Variants in LOC128125817 observed in about 807,000 individuals in gnomAD.
At chr1:41,612,561 T>C in the LOC128125817 span, among the ~76,000 whole-genome samples, 1 of 152,066 alleles carries the variant, frequency 6.6e-6, no homozygotes, top group South Asian at 2.1e-4. Flanking sequence ...TTCAGAGAGG[T>C]GGAAAGTGGC....
the LOC128125817 span, among the ~76,000 whole-genome samples, chr1:41,615,758 G>A: frequency 7.4e-5 from 11 of 149,516 alleles, no homozygotes; most frequent in East Asian, 2.2e-3. Context: ...TGGGAGCACA[G>A]GAGAAAGGGA....
the LOC128125817 span, among the ~76,000 whole-genome samples, chr1:41,597,151 G>A: frequency 6.6e-6 from 1 of 152,006 alleles, no homozygotes; most frequent in Non-Finnish European, 1.5e-5. Flanking sequence ...AAATTCTATC[G>A]AAAGCAAACA....
chr1:41,621,260 G>A, the LOC128125817 span, among the ~76,000 whole-genome samples: 1 of 152,246 alleles, frequency 6.6e-6, no homozygotes, highest in Non-Finnish European at 1.5e-5. Flanking sequence ...ATGGGACAGA[G>A]CCCTGGAATC....
chr1:41,613,177 G>A, the LOC128125817 span, among the ~76,000 whole-genome samples: 1 of 152,220 alleles, frequency 6.6e-6, no homozygotes, highest in East Asian at 1.9e-4. Context: ...GACAAGCTGC[G>A]TCCTCTCCAA....
At chr1:41,586,697 T>C in the LOC128125817 span, among the ~76,000 whole-genome samples, 1 of 152,312 alleles carries the variant, frequency 6.6e-6, no homozygotes, top group African/African-American at 2.4e-5. Flanking sequence ...ACTCAAATAA[T>C]TGTCTCTTAA....
the LOC128125817 span, among the ~76,000 whole-genome samples, chr1:41,623,800 T>C: frequency 0.62 from 94,732 of 152,142 alleles, 30,138 homozygotes; most frequent in African/African-American, 0.76. Context: ...CCAGCCCTGG[T>C]TTGGCAAGCT....
chr1:41,605,301 G>A, the LOC128125817 span, among the ~76,000 whole-genome samples: 1 of 151,364 alleles, frequency 6.6e-6, no homozygotes, highest in African/African-American at 2.4e-5. Context: ...GGGGCATGAA[G>A]CAGTTTTCTG....
chr1:41,605,379 A>G, the LOC128125817 span, among the ~76,000 whole-genome samples: 1,694 of 136,760 alleles, frequency 0.012, 22 homozygotes, highest in African/African-American at 0.036. Context: ...ACACGCGCAC[A>G]CACACACACA....
the LOC128125817 span, among the ~76,000 whole-genome samples, chr1:41,615,815 CTTTTTTTTTTTT>C: frequency 5.3e-4 from 25 of 47,022 alleles, no homozygotes; most frequent in East Asian, 1.7e-3. Flanking sequence ...TTTGACAAGT[CTTTTTTTTTTTT>C]TTTTTTTTTT....
At chr1:41,620,438 C>T in the LOC128125817 span, among the ~76,000 whole-genome samples, 1 of 152,166 alleles carries the variant, frequency 6.6e-6, no homozygotes, top group African/African-American at 2.4e-5. Flanking sequence ...ATCCTCCTGT[C>T]CTGCCCTACC....
the LOC128125817 span, among the ~76,000 whole-genome samples, chr1:41,592,092 C>G: frequency 6.6e-6 from 1 of 152,268 alleles, no homozygotes. Context: ...GGGGGCTGAG[C>G]ACCTGGGTCT....
the LOC128125817 span, among the ~76,000 whole-genome samples, chr1:41,614,439 C>G: frequency 1.3e-5 from 2 of 152,120 alleles, no homozygotes; most frequent in Non-Finnish European, 2.9e-5. Context: ...GCTTTGCCAC[C>G]CTTTCTGCCT....
At chr1:41,604,699 A>G in the LOC128125817 span, among the ~76,000 whole-genome samples, 2 of 152,220 alleles carry the variant, frequency 1.3e-5, no homozygotes, top group African/African-American at 4.8e-5. Flanking sequence ...AAATTTCTTT[A>G]CTTTATAGAT....
the LOC128125817 span, among the ~76,000 whole-genome samples, chr1:41,607,065 C>G: frequency 6.6e-6 from 1 of 152,098 alleles, no homozygotes; most frequent in Non-Finnish European, 1.5e-5. Context: ...CTTAGGCAAT[C>G]CTCCCACCTC....
chr1:41,617,518 A>G, the LOC128125817 span, among the ~76,000 whole-genome samples: 1 of 152,322 alleles, frequency 6.6e-6, no homozygotes, highest in East Asian at 1.9e-4. Flanking sequence ...TCCTCTGACA[A>G]GGGCTGCATG....
chr1:41,605,373 G>GCACACACACA, the LOC128125817 span, among the ~76,000 whole-genome samples: 1 of 106,760 alleles, frequency 9.4e-6, no homozygotes, highest in Admixed American at 1.1e-4. Flanking sequence ...ACACGCACAC[G>GCACACACACA]CGCACACACA....
the LOC128125817 span, among the ~76,000 whole-genome samples, chr1:41,623,597 G>A: frequency 4.6e-5 from 7 of 152,126 alleles, no homozygotes; most frequent in African/African-American, 1.4e-4. Context: ...TCTCTTCCTT[G>A]CACCCACTGA....
chr1:41,625,806 G>A, the LOC128125817 span, among the ~76,000 whole-genome samples: 4 of 152,146 alleles, frequency 2.6e-5, no homozygotes, highest in African/African-American at 9.6e-5. Context: ...ATAATTTGGA[G>A]ATAAGAAATA....
At chr1:41,619,231 G>A in the LOC128125817 span, among the ~76,000 whole-genome samples, 1 of 151,968 alleles carries the variant, frequency 6.6e-6, no homozygotes, top group Non-Finnish European at 1.5e-5. Flanking sequence ...GATACCCCCA[G>A]CACTTGCTCC....
Sources: allele counts gnomAD v4.1 joint callset (sites outside exome capture counted in the v4.1 genomes callset), GRCh38; gene constraint gnomAD v4.1.1; transcripts MANE v1.5.